CACNA2D1: variants seen among roughly 807,000 people sequenced by gnomAD.
CACNA2D1 encodes calcium voltage-gated channel auxiliary subunit alpha2delta 1.
CACNA2D1 carries 53 observed loss-of-function variants against 171.5 expected under a neutral mutation model. The ratio of observed to expected loss-of-function variants is 0.31; its 90% confidence interval spans 0.25 to 0.39. CACNA2D1 has a LOEUF of 0.39. Ranked by LOEUF, CACNA2D1 falls within the 10% of genes least tolerant of loss-of-function variation. The pLI is 1.00. For missense variants in CACNA2D1, 903 were observed against 1,299.8 expected (o/e 0.69, Z 4.69); for synonymous variants, 442 against 443.1 (o/e 1.00, Z 0.03).
chr7:82,400,030 C>A (rs1200237906), intron 1 of CACNA2D1, among the ~76,000 whole-genome samples: 1 of 151,700 alleles, frequency 6.6e-6, no homozygotes, highest in Non-Finnish European at 1.5e-5. Flanking sequence ...GGCGTTATTT[C>A]TGAGGGCTCT....
intron 6 of CACNA2D1, among the ~76,000 whole-genome samples, chr7:82,107,912 G>A (rs896126563): frequency 6.6e-6 from 1 of 152,008 alleles, no homozygotes; most frequent in African/African-American, 2.4e-5. Flanking sequence ...CATTTTTATT[G>A]AGATTGTTTT....
chr7:82,111,650 T>C (rs1028406701), intron 6 of CACNA2D1, among the ~76,000 whole-genome samples: 6 of 151,548 alleles, frequency 4.0e-5, no homozygotes, highest in Non-Finnish European at 5.9e-5. Flanking sequence ...AGTTTCACTA[T>C]GTTGCCCAGG....
intron 3 of CACNA2D1, among the ~76,000 whole-genome samples, chr7:82,263,454 C>A (rs956096659): frequency 6.6e-6 from 1 of 152,038 alleles, no homozygotes; most frequent in African/African-American, 2.4e-5. Context: ...CTCTTATTAA[C>A]CTGTCTTGTT....
intron 1 of CACNA2D1, among the ~76,000 whole-genome samples, chr7:82,411,895 T>TCTCACA (rs1554548045): frequency 1.4e-4 from 20 of 144,788 alleles, no homozygotes; most frequent in South Asian, 8.9e-4. Flanking sequence ...AAACTAAATC[T>TCTCACA]CACACACACA....
intron 3 of CACNA2D1, among the ~76,000 whole-genome samples, chr7:82,186,231 G>GAAAGGAAGGAAGGAAGA (rs1797740543): frequency 1.2e-5 from 1 of 86,366 alleles, no homozygotes; most frequent in Non-Finnish European, 2.4e-5. Context: ...GAGAGAGAGA[G>GAAAGGAAGGAAGGAAGA]AAGGAAGGAA....
intron 1 of CACNA2D1, among the ~76,000 whole-genome samples, chr7:82,358,964 T>C (rs1820773268): frequency 6.6e-6 from 1 of 152,160 alleles, no homozygotes; most frequent in Admixed American, 6.5e-5. Context: ...ACTTTGGGGT[T>C]GATAGTAACA....
intron 38 of CACNA2D1, among the ~76,000 whole-genome samples, chr7:81,951,970 T>TTTTTGTTTTTTTTTTTTG (rs1792593024): frequency 4.2e-5 from 1 of 23,960 alleles, no homozygotes; most frequent in East Asian, 1.1e-3. Context: ...GTACAAAGTG[T>TTTTTGTTTTTTTTTTTTG]TTTTTTTTTT....
chr7:82,430,730 G>C (rs1315093604), intron 1 of CACNA2D1, among the ~76,000 whole-genome samples: 1 of 152,076 alleles, frequency 6.6e-6, no homozygotes, highest in East Asian at 1.9e-4. Context: ...GTACGCTCTT[G>C]GCAGATTTTT....
Position 82,023,002 on chromosome 7 carries a change from C to G in CACNA2D1, c.1144-8523G>C, listed in dbSNP as rs528735000. ...AAAGAATCAGAGAACTATTTCCTTACTGGCTAGGCAATCTTAAGTATGTAT... is the reference window on the plus strand; with the variant it reads ...AAAGAATCAGAGAACTATTTCCTTAGTGGCTAGGCAATCTTAAGTATGTAT... On this transcript the variant is annotated intron_variant, in intron 12 of 38. Coordinates refer to ENST00000356860, the MANE Select transcript of CACNA2D1 (RefSeq NM_000722.4). 3.9e-5 allele frequency among the ~76,000 whole-genome samples: 6 copies of G among 151,934 alleles called. No individual in the cohort carries two copies. The South Asian group carries it at 6.2e-4, about 16-fold the overall frequency.
intron 3 of CACNA2D1, among the ~76,000 whole-genome samples, chr7:82,194,310 T>G (rs962111150): frequency 1.3e-5 from 2 of 152,012 alleles, no homozygotes; most frequent in Admixed American, 6.6e-5. Context: ...ACAAACCTCA[T>G]TTTGCTTTGT....
chr7:82,107,115 A>G (rs1304734671), intron 6 of CACNA2D1, among the ~76,000 whole-genome samples: 1 of 152,112 alleles, frequency 6.6e-6, no homozygotes, highest in African/African-American at 2.4e-5. Context: ...ACTATCCAAC[A>G]TTTTATGCCT....
At chr7:81,959,545 T>C (rs957512486) in intron 37 of CACNA2D1, among the ~76,000 whole-genome samples, 175 bp downstream of exon 37, 1 of 152,108 alleles carries the variant, frequency 6.6e-6, no homozygotes, top group Non-Finnish European at 1.5e-5. Flanking sequence ...GGGGCATGTG[T>C]AGCATAATTA....
chr7:82,174,981 A>C (rs1796414357), intron 3 of CACNA2D1, among the ~76,000 whole-genome samples: 3 of 152,172 alleles, frequency 2.0e-5, no homozygotes, highest in Admixed American at 6.6e-5. Flanking sequence ...CAGGTGATAT[A>C]AACTTCTATA....
rs191523070 is a variant in CACNA2D1 at position 82,254,561 on chromosome 7, C to T, written c.294+80574G>A. ...TAAGTGTCACCCTATTATTTCTGTT[C>T]CTAATTCTTAAGCGTCGTTTTGGTG... On this transcript the variant is annotated intron_variant, in intron 3 of 38. Coordinates refer to ENST00000356860, the MANE Select transcript of CACNA2D1 (RefSeq NM_000722.4). 9.2e-5 allele frequency among the ~76,000 whole-genome samples: 14 copies of T among 152,106 alleles called. No individual in the cohort carries two copies. The East Asian group carries it at 2.7e-3, about 29-fold the overall frequency.
chr7:82,138,354 AG>A (rs1247923155), intron 4 of CACNA2D1, among the ~76,000 whole-genome samples: 1 of 152,086 alleles, frequency 6.6e-6, no homozygotes, highest in Non-Finnish European at 1.5e-5. Context: ...GATTTTCAAA[AG>A]AATTATTCAG....
chr7:82,432,629 G>C (rs6967548), intron 1 of CACNA2D1, among the ~76,000 whole-genome samples: 1 of 152,088 alleles, frequency 6.6e-6, no homozygotes, highest in Admixed American at 6.5e-5. Flanking sequence ...GCGAGCCCTC[G>C]CCCAAATTCC....
At chr7:81,997,664 T>TAAAA (rs34518880) in intron 18 of CACNA2D1, among the ~76,000 whole-genome samples, 156 of 139,988 alleles carry the variant, frequency 1.1e-3, no homozygotes, top group African/African-American at 3.9e-3. Context: ...TTAAAATTTG[T>TAAAA]AAAAAAAAAA....
At chr7:82,051,256 G>A (rs1317787766) in intron 10 of CACNA2D1, 1 of 152,150 alleles carries the variant, frequency 6.6e-6, no homozygotes, top group African/African-American at 2.4e-5. Context: ...TTGCATTTAG[G>A]GAAAAGCTTC....
intron 7 of CACNA2D1, among the ~76,000 whole-genome samples, chr7:82,075,147 CT>C (rs1808806588): frequency 6.6e-6 from 1 of 151,490 alleles, no homozygotes; most frequent in Non-Finnish European, 1.5e-5. Context: ...TTTTCTCAAA[CT>C]TCTTATAAAC....
Sources: gnomAD v4.1 joint callset for allele counts (sites outside exome capture counted in the v4.1 genomes callset) on GRCh38, gnomAD v4.1.1 for gene constraint, MANE v1.5 for transcripts, NCBI Gene and HGNC (gene_info 2026-07-23, HGNC 2026-07-21) for gene names.